PTPN9: variants seen among roughly 807,000 people sequenced by gnomAD.
PTPN9 encodes protein tyrosine phosphatase non-receptor type 9.
PTPN9 carries 26 observed loss-of-function variants against 69.8 expected under a neutral mutation model. The observed-to-expected ratio is 0.37, with a 90% confidence interval of 0.27 to 0.52. The LOEUF (loss-of-function observed/expected upper bound fraction) is 0.52. Among genes scored for constraint, PTPN9 ranks in the 20% least tolerant of loss-of-function variants. The probability of loss-of-function intolerance (pLI) is 0.91; values close to 1 mark genes in which losing one functional copy is unlikely to be tolerated. For missense variants in PTPN9, 549 were observed against 740.3 expected, an observed-to-expected ratio of 0.74 and a Z score of 3.00; for synonymous variants, 274 against 272.5, an observed-to-expected ratio of 1.01 and a Z score of -0.05.
At chr15:75,470,570 A>T in intron 11 of PTPN9, 110 bp downstream of exon 11, 1 of 1,338,282 alleles carries the variant, frequency 7.5e-7, no homozygotes, top group South Asian at 1.4e-5. Flanking sequence ...GAAAAACAGA[A>T]GCAACTCATA....
chr15:75,487,436 A>G (rs1393045652), intron 8 of PTPN9: 8 of 152,236 alleles, frequency 5.3e-5, no homozygotes, highest in Non-Finnish European at 1.2e-4. Flanking sequence ...GAGGGACTAC[A>G]AATCAGACAA....
chr15:75,518,650 T>G (rs2074884846), intron 4 of PTPN9, among the ~76,000 whole-genome samples: 1 of 151,806 alleles, frequency 6.6e-6, no homozygotes, highest in Non-Finnish European at 1.5e-5. Context: ...AAGCCCCATT[T>G]CTACTAAAAA....
intron 7 of PTPN9, among the ~76,000 whole-genome samples, chr15:75,494,155 T>C (rs1017202100): frequency 7.1e-6 from 1 of 141,004 alleles, no homozygotes; most frequent in Non-Finnish European, 1.5e-5. Context: ...TATATATATA[T>C]AAAATCTATA....
At chr15:75,514,115 A>G (rs1275529803) in intron 5 of PTPN9, among the ~76,000 whole-genome samples, 1 of 151,212 alleles carries the variant, frequency 6.6e-6, no homozygotes, top group East Asian at 1.9e-4. Flanking sequence ...AAAAAAAAAA[A>G]AAGAAAGAAA....
Position 75,578,942 on chromosome 15 carries a change from G to C in PTPN9, c.-166C>G. The C allele has an allele frequency of 3.1e-6, 1 of 317,582 alleles. No homozygotes were observed. 19.7% of individuals were successfully genotyped at this position (317,582 alleles called of 1,614,324 possible). Reference sequence around the variant, plus strand: ...TGCAGCGGCCGCAAACGCCGCTTCTGCTTCCTTAAGAAAAATCTCTCCGAA... The same window carrying C: ...TGCAGCGGCCGCAAACGCCGCTTCTCCTTCCTTAAGAAAAATCTCTCCGAA... On this transcript the variant is annotated 5_prime_UTR_variant, in exon 1 of 13. Transcript: ENST00000618819.
intron 9 of PTPN9, among the ~76,000 whole-genome samples, chr15:75,477,887 C>T (rs2074605489): frequency 7.2e-6 from 1 of 138,534 alleles, no homozygotes; most frequent in Admixed American, 8.0e-5. Flanking sequence ...GTCGCCCAGG[C>T]TGGAGTGCAA....
At chr15:75,555,536 G>A (rs769203595) in intron 1 of PTPN9, among the ~76,000 whole-genome samples, 11 of 151,350 alleles carry the variant, frequency 7.3e-5, no homozygotes, top group Non-Finnish European at 1.2e-4. Context: ...GACAGTCCTC[G>A]CTCTGTCACC....
intron 6 of PTPN9, among the ~76,000 whole-genome samples, chr15:75,506,994 G>A (rs184110899): frequency 6.6e-6 from 1 of 152,210 alleles, no homozygotes. Context: ...TGAGCTCCTT[G>A]AGGGTAGACT....
intron 7 of PTPN9, among the ~76,000 whole-genome samples, chr15:75,503,554 A>G (rs2074788299): frequency 8.1e-6 from 1 of 122,714 alleles, no homozygotes; most frequent in African/African-American, 3.1e-5. Context: ...TGGGGGGGTC[A>G]GCCCCCCGCC....
intron 7 of PTPN9, among the ~76,000 whole-genome samples, chr15:75,505,003 T>C (rs868035337): frequency 2.0e-5 from 3 of 151,818 alleles, no homozygotes; most frequent in African/African-American, 7.3e-5. Flanking sequence ...ACAATGGCGG[T>C]TTTGTGGAAT....
chr15:75,504,946 T>C (rs1432604046), intron 7 of PTPN9, among the ~76,000 whole-genome samples: 128 of 151,712 alleles, frequency 8.4e-4, no homozygotes, highest in African/African-American at 2.9e-3. Context: ...AGCCACCACC[T>C]CGTCTGGGAG....
chr15:75,495,441 G>A (rs955776623), intron 7 of PTPN9, among the ~76,000 whole-genome samples: 5 of 151,994 alleles, frequency 3.3e-5, no homozygotes, highest in African/African-American at 7.3e-5. Flanking sequence ...GGCCAAGCAC[G>A]GTGGCTCACA....
intron 8 of PTPN9, chr15:75,480,894 C>G: frequency 7.5e-6 from 2 of 267,888 alleles, no homozygotes; most frequent in Non-Finnish European, 1.4e-5. Flanking sequence ...GGCTGCCACC[C>G]CGTCTGGGAA....
chr15:75,504,211 G>A (rs2074798764), intron 7 of PTPN9, among the ~76,000 whole-genome samples: 1 of 102,600 alleles, frequency 9.7e-6, no homozygotes, highest in Non-Finnish European at 2.0e-5. Flanking sequence ...GGGAGGTCGG[G>A]GGGGTCAGCC....
chr15:75,529,507 T>G (rs759257920), intron 1 of PTPN9, among the ~76,000 whole-genome samples: 16 of 152,176 alleles, frequency 1.1e-4, no homozygotes, highest in Non-Finnish European at 2.1e-4. Flanking sequence ...ATACTTGCAC[T>G]GAAAGGTATA....
chr15:75,468,953 G>T lies in PTPN9; in HGVS notation c.1598C>A (p.Ala533Glu). 6.2e-7 allele frequency: 1 copy of T among 1,614,014 alleles called. No individual in the cohort carries two copies. The highest frequency in any genetic ancestry group is 8.5e-7 in the Non-Finnish European group (1 of 1,179,888). The change falls in exon 13 of 13, where the codon GCA becomes GAA. Residue 533 changes from alanine to glutamate, a missense_variant. Transcript: ENST00000618819. ...AAGGGTGCCAAGCTCCTCCAGCTGT[G>T]CCAGGCAGATGTCCAGTGAGCAGAA... Reference protein sequence around the residue: ...GTFCSLDICLAQLEELGTLNV... With the variant: ...GTFCSLDICLEQLEELGTLNV...
chr15:75,492,517 T>G (rs1174521582), intron 7 of PTPN9, among the ~76,000 whole-genome samples: 1 of 152,134 alleles, frequency 6.6e-6, no homozygotes, highest in African/African-American at 2.4e-5. Context: ...TGAAAATCCC[T>G]GACCCATTCT....
intron 1 of PTPN9, among the ~76,000 whole-genome samples, chr15:75,552,918 G>A (rs889310790): frequency 6.6e-6 from 1 of 151,536 alleles, no homozygotes; most frequent in Non-Finnish European, 1.5e-5. Context: ...AAATCCAAAA[G>A]ATCAAAACTG....
intron 7 of PTPN9, among the ~76,000 whole-genome samples, chr15:75,496,357 CAT>C (rs1482871959): frequency 2.0e-5 from 3 of 151,162 alleles, no homozygotes; most frequent in South Asian, 4.2e-4. Flanking sequence ...AAATAATTTA[CAT>C]AGTCATAATA....
Sources: gnomAD v4.1 joint callset for allele counts (sites outside exome capture counted in the v4.1 genomes callset) on GRCh38, gnomAD v4.1.1 for gene constraint, MANE v1.5 for transcripts, NCBI Gene and HGNC (gene_info 2026-07-23, HGNC 2026-07-21) for gene names.